AMOT: variants seen among roughly 807,000 people sequenced by gnomAD.
AMOT encodes the protein angiomotin.
In AMOT, 11 loss-of-function variants were observed where a neutral mutation model predicts 67.0. The observed-to-expected ratio is 0.16, with a 90% confidence interval of 0.10 to 0.27. The LOEUF is 0.27. Among genes scored for constraint, AMOT ranks in the 10% least tolerant of loss-of-function variants. The pLI is 1.00. For synonymous variants in AMOT, 326 were observed against 321.4 expected, an observed-to-expected ratio of 1.01 and a Z score of -0.15; for missense variants, 753 against 852.0, an observed-to-expected ratio of 0.88 and a Z score of 1.45.
intron 2 of AMOT, among the ~76,000 whole-genome samples, chrX:112,827,926 T>G (rs1275863118): frequency 8.9e-6 from 1 of 111,850 alleles, no homozygotes; most frequent in Non-Finnish European, 1.9e-5. Context: ...AAGAAAGCTG[T>G]TTCTCTGCTA....
intron 2 of AMOT, among the ~76,000 whole-genome samples, chrX:112,826,032 T>C (rs181039999): frequency 1.7e-4 from 19 of 110,377 alleles, no homozygotes; most frequent in Admixed American, 1.9e-4. Context: ...ACTTACATTA[T>C]ATAGACTGGA....
rs778594936 is a variant in AMOT, at chrX:112,812,827, C to T, written c.1393-1434G>A. Among the ~76,000 whole-genome samples, 5 of 111,960 alleles carry T rather than the reference C, an allele frequency of 4.5e-5. No homozygotes were observed. In the East Asian group the frequency reaches 1.1e-3, roughly 25 times the overall value. The stretch of plus-strand genomic sequence containing the variant: ...GTTGCCAAACCAGTCAGATTCAACC[C>T]GCCTCCATCTCCAAAATTCTGCCAG... On this transcript the variant is annotated intron_variant, in intron 5 of 13. Coordinates refer to ENST00000371959, the MANE Select transcript of AMOT (RefSeq NM_001113490.2).
intron 1 of AMOT, among the ~76,000 whole-genome samples, chrX:112,838,437 C>T (rs1412538473): frequency 8.9e-6 from 1 of 111,897 alleles, no homozygotes; most frequent in Non-Finnish European, 1.9e-5. Flanking sequence ...GCAGATGTAC[C>T]CACTTAGAAT....
chrX:112,788,167 T>C (rs1933438995), intron 10 of AMOT, among the ~76,000 whole-genome samples: 2 of 109,833 alleles, frequency 1.8e-5, no homozygotes, highest in Non-Finnish European at 3.8e-5. Flanking sequence ...CACACGCCTA[T>C]AGTCCCAGCT....
chrX:112,811,766 C>G (rs1934374568), intron 5 of AMOT, among the ~76,000 whole-genome samples: 1 of 111,597 alleles, frequency 9.0e-6, no homozygotes, highest in Admixed American at 9.5e-5. Context: ...CCAAAGCATT[C>G]AAAGGGCTTT....
chrX:112,806,430 T>G (rs1337732582), intron 7 of AMOT, among the ~76,000 whole-genome samples: 2 of 108,116 alleles, frequency 1.8e-5, no homozygotes, highest in Non-Finnish European at 3.8e-5. Context: ...TACTTGCATG[T>G]GTGTGCATAT....
At chrX:112,801,317 AT>A in intron 8 of AMOT, among the ~76,000 whole-genome samples, 1 of 111,332 alleles carries the variant, frequency 9.0e-6, no homozygotes, top group Middle Eastern at 4.6e-3. Context: ...CTCCACTTCA[AT>A]AGGACCTACG....
intron 10 of AMOT, among the ~76,000 whole-genome samples, chrX:112,784,037 C>A (rs1486292012): frequency 9.0e-6 from 1 of 111,560 alleles, no homozygotes; most frequent in Non-Finnish European, 1.9e-5. Flanking sequence ...ATACGTGTAC[C>A]TTATATGCAA....
Position 112,815,633 on chromosome X carries a change from C to A in AMOT, c.1117G>T (p.Gly373Cys), listed in dbSNP as rs1237237046. 6.7e-6 allele frequency: 8 copies of A among 1,196,727 alleles called. No individual in the cohort carries two copies. In the African/African-American group the frequency reaches 1.2e-4, roughly 19 times the overall value. The change falls in exon 5 of 14, where the codon GGC (glycine) becomes TGC (cysteine). Residue 373 changes from glycine (G) to cysteine (C), a missense_variant. Transcript: ENST00000371959. ...TGTTGCTGCTGCTGCTGACTCAGGC[C>A]AGGTTGGGAGAGACGGTAATGATCC... ...QGDHYRLSQPGLSQQQQQQQQ... is the reference protein window; with the variant it reads ...QGDHYRLSQPCLSQQQQQQQQ...
intron 1 of AMOT, among the ~76,000 whole-genome samples, chrX:112,833,381 G>T (rs756132141): frequency 3.0e-4 from 32 of 108,345 alleles, no homozygotes; most frequent in African/African-American, 1.1e-3. Flanking sequence ...CACTTAGCCT[G>T]GTCACAGAAA....
chrX:112,816,972 C>G (rs1239699933), intron 4 of AMOT, among the ~76,000 whole-genome samples: 1 of 112,344 alleles, frequency 8.9e-6, no homozygotes, highest in African/African-American at 3.2e-5. Flanking sequence ...ATCACTTCCA[C>G]CATCACCACT....
rs1186961531 is a variant in AMOT at position 112,811,380 on chromosome X, A to G, written c.1406T>C (p.Ile469Thr). The stretch of plus-strand genomic sequence containing the variant: ...CTCATATGCCTCCGAGACGCGCTGG[A>G]TTTCTGTCTCCACCTTAACAACAAA... ...VARLQKVETEIQRVSEAYENL... is the reference protein window; with the variant it reads ...VARLQKVETETQRVSEAYENL... Residue 469 changes from isoleucine (I) to threonine (T), a missense_variant, in exon 6 of 14, where the codon ATC becomes ACC. Transcript: ENST00000371959. 1 of 1,207,035 alleles carries G rather than the reference A, an allele frequency of 8.3e-7. No individual in the cohort carries two copies. Among genetic ancestry groups the G allele is most frequent in the Admixed American group, 2.2e-5 (1 of 45,838 alleles).
chrX:112,813,135 T>TG (rs1212981234), intron 5 of AMOT, among the ~76,000 whole-genome samples: 18 of 112,510 alleles, frequency 1.6e-4, no homozygotes, highest in Non-Finnish European at 3.2e-4. Flanking sequence ...GTGCACAGAA[T>TG]GCAACACCTA....
intron 1 of AMOT, among the ~76,000 whole-genome samples, chrX:112,837,691 T>C (rs2147839043): frequency 9.0e-6 from 1 of 110,964 alleles, no homozygotes; most frequent in South Asian, 3.8e-4. Flanking sequence ...GGTGGAACCC[T>C]AGAATTTGGA....
At chrX:112,799,499 G>A (rs753749158) in intron 8 of AMOT, among the ~76,000 whole-genome samples, 1 of 111,901 alleles carries the variant, frequency 8.9e-6, no homozygotes, top group African/African-American at 3.3e-5. Context: ...TGTCACAACT[G>A]AAGTGTATTT....
intron 7 of AMOT, among the ~76,000 whole-genome samples, chrX:112,806,369 A>G (rs887882942): frequency 3.2e-4 from 33 of 102,767 alleles, no homozygotes; most frequent in East Asian, 6.1e-4. Flanking sequence ...GTGTGTGTAT[A>G]TATATATATA....
At chrX:112,778,916 C>T in intron 13 of AMOT, 81 bp downstream of exon 13, 1 of 1,000,490 alleles carries the variant, frequency 1.0e-6, no homozygotes, top group Non-Finnish European at 1.4e-6. Flanking sequence ...ATAACTCTGC[C>T]CAGACATCAG....
At position 112,822,444 on chromosome X, in the gene AMOT, T is replaced by C. The variant is rs1201401611; in HGVS notation, c.683A>G (p.His228Arg). 7 of 1,167,975 alleles carry C rather than the reference T, an allele frequency of 6.0e-6. No individual in the cohort carries two copies. In the Middle Eastern group the frequency reaches 7.0e-4, roughly 116 times the overall value. The change falls in exon 4 of 14, where the codon CAT (histidine) becomes CGT (arginine). Residue 228 changes from histidine to arginine, a missense_variant. By Grantham distance (29) the His-to-Arg change is conservative (BLOSUM62 0). This residue lies in a region of AMOT where 297 missense variants were observed against 284.3 expected (regional missense o/e 1.04). Transcript: ENST00000371959. ...YKAQGPLPNQ[H>R]SLKGMEHRGP... ...TCGGTGTTCCATGCCCTTCAGGCTA[T>C]GCTGGTTAGGAAGTGGCCCTTGGGC...
chrX:112,788,159 C>G (rs780810607), intron 10 of AMOT, among the ~76,000 whole-genome samples: 25 of 110,034 alleles, frequency 2.3e-4, no homozygotes, highest in South Asian at 4.0e-4. Context: ...CGTGGTGGCA[C>G]ACGCCTATAG....
Sources: allele counts gnomAD v4.1 joint callset (sites outside exome capture counted in the v4.1 genomes callset), GRCh38; gene constraint gnomAD v4.1.1; regional missense constraint gnomAD v4.1.1; transcripts MANE v1.5; gene names NCBI Gene and HGNC (gene_info 2026-07-23, HGNC 2026-07-21).